SATB1: variants seen among roughly 807,000 people sequenced by gnomAD.
SATB1 encodes the protein DNA-binding protein SATB1.
Under a neutral mutation model 86.9 loss-of-function variants are expected in SATB1, and 11 were observed. That is an observed-to-expected ratio of 0.13 (90% confidence interval 0.08 to 0.21). SATB1 has a LOEUF of 0.21. Among genes scored for constraint, SATB1 ranks in the 10% least tolerant of loss-of-function variants. The pLI is 1.00. For missense variants in SATB1, 551 were observed against 937.6 expected (o/e 0.59, Z 5.39); for synonymous variants, 357 against 357.2 (o/e 1.00, Z 0.01).
chr3:18,349,907 C>T lies in SATB1; in HGVS notation c.1780-225G>A. The T allele has an allele frequency of 1.5e-6, 1 of 669,726 alleles. No homozygotes were observed. Among genetic ancestry groups the T allele is most frequent in the South Asian group, 2.7e-5 (1 of 37,390 alleles). The allele number at this position is 669,726 out of a possible 1,614,324, so 41.5% of individuals were successfully genotyped here. A position where few individuals can be genotyped will look rare whatever the true frequency, so the allele number is the denominator to read the frequency against. ...GAATTAAGACAGCTTTGGGGGGCTACTGCACTTACTTATCAGAGATCAGCA... is the reference window on the plus strand; with the variant it reads ...GAATTAAGACAGCTTTGGGGGGCTATTGCACTTACTTATCAGAGATCAGCA... On this transcript the variant is annotated intron_variant, in intron 10 of 10. Transcript: ENST00000338745. The surrounding 1 kb of genome is among the most constrained non-coding windows in gnomAD (Gnocchi z 5.5).
At chr3:18,375,186 T>C (rs1559411638) in intron 9 of SATB1, among the ~76,000 whole-genome samples, 1 of 152,188 alleles carries the variant, frequency 6.6e-6, no homozygotes, top group Non-Finnish European at 1.5e-5. Context: ...ATCAGGGTAG[T>C]ACTTCAGTGA....
chr3:18,358,680 T>C (rs140541547), intron 9 of SATB1, among the ~76,000 whole-genome samples: 9 of 152,176 alleles, frequency 5.9e-5, no homozygotes, highest in Admixed American at 2.0e-4. Context: ...TGTGTGTGCA[T>C]GTATGTATCC....
chr3:18,440,254 T>C (rs777814878), upstream of SATB1, among the ~76,000 whole-genome samples: 2 of 152,348 alleles, frequency 1.3e-5, no homozygotes, highest in East Asian at 1.9e-4. Context: ...TTTGATGTTA[T>C]AGTTGAGGTA....
intron 9 of SATB1, among the ~76,000 whole-genome samples, chr3:18,368,463 T>C (rs1695298805): frequency 1.3e-5 from 2 of 151,446 alleles, no homozygotes; most frequent in Non-Finnish European, 1.5e-5. Flanking sequence ...ACAAAACACA[T>C]GGAAAATAGA....
rs939187617 is a variant in SATB1 at position 18,394,248 on chromosome 3, G to C, written c.1206+214C>G. Among the ~76,000 whole-genome samples, 6 of 152,106 alleles carry C rather than the reference G, an allele frequency of 3.9e-5. No individual in the cohort carries two copies. Among genetic ancestry groups the C allele is most frequent in the African/African-American group, 1.4e-4 (6 of 41,408 alleles). On this transcript the variant is annotated intron_variant, in intron 7 of 10. Transcript: ENST00000338745. The surrounding 1 kb of genome is among the most constrained non-coding windows in gnomAD (Gnocchi z 5.9). ...TTAGTCTTTCAAAGGCCCTGAATTG[G>C]GATCAATCTGCACATAGGTTCCCTT...
intron 2 of SATB1, among the ~76,000 whole-genome samples, chr3:18,419,304 A>T (rs565615179): frequency 2.0e-5 from 3 of 152,320 alleles, no homozygotes; most frequent in Non-Finnish European, 2.9e-5. Flanking sequence ...TTCCAACTAC[A>T]GCAACTTCAT....
rs1274155967 is a variant in SATB1, at chr3:18,351,168, G to C, written c.1779+824C>G. ...CATGACATGACAAACAAAGCATAAG[G>C]CTGCATCTGCTGGCACAGTGAGCTC... On this transcript the variant is annotated intron_variant, in intron 10 of 10. Transcript: ENST00000338745. 5 of 693,298 alleles carry C rather than the reference G, an allele frequency of 7.2e-6. No individual in the cohort carries two copies. In the East Asian group the frequency reaches 1.4e-4, roughly 19 times the overall value. The allele number at this position is 693,298 out of a possible 1,614,324, so 42.9% of individuals were successfully genotyped here. A position where few individuals can be genotyped will look rare whatever the true frequency, so the allele number is the denominator to read the frequency against.
intron 5 of SATB1, among the ~76,000 whole-genome samples, chr3:18,407,208 C>T (rs902229968): frequency 7.2e-5 from 11 of 152,048 alleles, no homozygotes; most frequent in Admixed American, 4.6e-4. Flanking sequence ...CCTAGGGTAT[C>T]ATATATGCTA....
At chr3:18,351,531 C>G in intron 10 of SATB1, 2 of 669,856 alleles carry the variant, frequency 3.0e-6, no homozygotes, top group East Asian at 2.8e-5. Flanking sequence ...TCCAATTAAG[C>G]TTCCCTCCCC....
chr3:18,436,350 G>A (rs939965750), intron 2 of SATB1, among the ~76,000 whole-genome samples: 12 of 152,030 alleles, frequency 7.9e-5, no homozygotes, highest in African/African-American at 2.9e-4. Context: ...ATGGCTACTT[G>A]GTGGCTCAAA....
intron 4 of SATB1, among the ~76,000 whole-genome samples, chr3:18,415,520 T>C (rs1698064277): frequency 6.6e-6 from 1 of 152,194 alleles, no homozygotes; most frequent in African/African-American, 2.4e-5. Context: ...TGCTTTCTCC[T>C]GAGCCATCAT....
intron 2 of SATB1, among the ~76,000 whole-genome samples, chr3:18,433,560 TTAA>T (rs1284227335): frequency 6.6e-6 from 1 of 152,140 alleles, no homozygotes; most frequent in Non-Finnish European, 1.5e-5. Context: ...AAAACTTGTA[TTAA>T]TGATGGAGTT....
At chr3:18,393,835 C>T (rs1696814897) in intron 7 of SATB1, among the ~76,000 whole-genome samples, 1 of 152,174 alleles carries the variant, frequency 6.6e-6, no homozygotes, top group Non-Finnish European at 1.5e-5. Context: ...ATAAAGTTTG[C>T]TGATGCCTGG....
chr3:18,363,641 T>A (rs1384490016), intron 9 of SATB1, among the ~76,000 whole-genome samples: 4 of 152,124 alleles, frequency 2.6e-5, no homozygotes, highest in Non-Finnish European at 4.4e-5. Context: ...CTGACTCCCT[T>A]TGGAATAGGC....
intron 4 of SATB1, 78 bp from the exon 5 acceptor site, chr3:18,415,312 A>AT: frequency 6.4e-7 from 1 of 1,551,310 alleles, no homozygotes; most frequent in Non-Finnish European, 8.8e-7. Context: ...AGACAGACAG[A>AT]TTTCATTTTG....
intron 9 of SATB1, among the ~76,000 whole-genome samples, chr3:18,375,171 C>T (rs1695680707): frequency 6.6e-6 from 1 of 152,244 alleles, no homozygotes; most frequent in African/African-American, 2.4e-5. Context: ...ATTCCTCTTC[C>T]TCAGATCAGG....
At position 18,349,637 on chromosome 3, in the gene SATB1, G is replaced by C. The variant is rs879563626; in HGVS notation, c.1825C>G (p.Pro609Ala). 2.6e-5 allele frequency: 42 copies of C among 1,612,436 alleles called. No individual in the cohort carries two copies. The highest frequency in any genetic ancestry group is 3.4e-5 in the Non-Finnish European group (40 of 1,179,676). Residue 609 changes from proline (P) to alanine (A), a missense_variant, in exon 11 of 11, where the codon CCG becomes GCG. Transcript: ENST00000338745. The surrounding 1 kb of genome is among the most constrained non-coding windows in gnomAD (Gnocchi z 5.5). ...TGCTGCTGTGGCTGTGGAGGCGGCG[G>C]TGCCTGCTGCTGCTGCTGCTGCTGT... Reference protein sequence around the residue: ...QQQQQQQQQAPPPPQPQQQPQ... With the variant: ...QQQQQQQQQAAPPPQPQQQPQ...
At chr3:18,408,998 G>A (rs1697694472) in intron 5 of SATB1, 1 of 151,830 alleles carries the variant, frequency 6.6e-6, no homozygotes, top group Non-Finnish European at 1.5e-5. Context: ...AAAGAAAGAG[G>A]AAAAATACTC....
intron 9 of SATB1, among the ~76,000 whole-genome samples, chr3:18,376,042 T>G (rs963089569): frequency 6.6e-6 from 1 of 152,108 alleles, no homozygotes; most frequent in Non-Finnish European, 1.5e-5. Flanking sequence ...ATTGCTGAAA[T>G]AGAGACCCAT....
Sources: gnomAD v4.1 joint callset for allele counts (sites outside exome capture counted in the v4.1 genomes callset) on GRCh38, gnomAD v4.1.1 for gene constraint, Gnocchi (gnomAD v3.1) non-coding constraint, MANE v1.5 for transcripts, NCBI Gene and HGNC (gene_info 2026-07-23, HGNC 2026-07-21) for gene names.